TTN: variants seen among roughly 807,000 people sequenced by gnomAD.
TTN encodes connectin.
Under a neutral mutation model 3,223.0 loss-of-function variants are expected in TTN, and 1,525 were observed. That is an observed-to-expected ratio of 0.47 (90% CI 0.45 to 0.49). TTN has a LOEUF of 0.49. TTN is among the 20% of genes least tolerant of loss of function. The probability of loss-of-function intolerance (pLI) is 0.00; values close to 1 mark genes in which losing one functional copy is unlikely to be tolerated. For missense variants in TTN, 40,786 were observed against 43,424.0 expected, an observed-to-expected ratio of 0.94 and a Z score of 5.40; for synonymous variants, 14,094 against 15,161.0, an observed-to-expected ratio of 0.93 and a Z score of 5.17.
rs1258025777 is a variant in TTN at position 178,543,611 on chromosome 2, G to C, written c.96362C>G (p.Ser32121Cys). The C allele has an allele frequency of 6.2e-7, 1 of 1,604,036 alleles. No individual in the cohort carries two copies. Among genetic ancestry groups the C allele is most frequent in the East Asian group, 2.2e-5 (1 of 44,796 alleles). The change falls in exon 347 of 363, where the codon TCT becomes TGT. Residue 32121 changes from serine to cysteine, a missense_variant. Physicochemically the swap from Ser to Cys is moderately radical, Grantham distance 112. Transcript: ENST00000589042. ...GGGAATTTCCCAAGTTATAGTCACA[G>C]AATCTCTTGATACTTCCTTAACTTT... ...SVKVKEVSRDSVTITWEIPTI... is the reference protein window; with the variant it reads ...SVKVKEVSRDCVTITWEIPTI...
rs1187310682 is a variant in TTN at position 178,769,945 on chromosome 2, T to C, written c.8642-6A>G. ...GGTTTTTGTAATATGTAATGCTTGG[T>C]AAAATCAAAGAGCACTTCAGTTAAT... is the stretch of plus-strand genomic sequence containing the variant. On this transcript the variant is annotated splice_region_variant and splice_polypyrimidine_tract_variant and intron_variant, in intron 36 of 362. Transcript: ENST00000589042. 1 of 1,614,118 alleles carries C rather than the reference T, an allele frequency of 6.2e-7. No individual in the cohort carries two copies. Among genetic ancestry groups the C allele is most frequent in the Non-Finnish European group, 8.5e-7 (1 of 1,180,000 alleles).
chr2:178,558,011 A>G lies in TTN; in HGVS notation c.87343T>C (p.Tyr29115His), dbSNP rs1181280302. 8 of 1,613,852 alleles carry G rather than the reference A, an allele frequency of 5.0e-6. No individual in the cohort carries two copies. Among genetic ancestry groups the G allele is most frequent in the Non-Finnish European group, 6.8e-6 (8 of 1,179,840 alleles). ...CTGGAGTTGGCAGCAGTGATTTCAT[A>G]TCTCCCAGCGTCAGCTGTAACACTT... ...KESVTADAGR[Y>H]EITAANSSGT... The change falls in exon 328 of 363, where the codon TAT (tyrosine) becomes CAT (histidine). Residue 29115 changes from tyrosine (Y) to histidine (H), a missense_variant. Transcript: ENST00000589042.
At position 178,683,194 on chromosome 2, in the gene TTN, A is replaced by G. The variant is rs2154273045; in HGVS notation, c.32887+17T>C. On this transcript the variant is annotated intron_variant, in intron 134 of 362. Coordinates refer to ENST00000589042, the MANE Select transcript of TTN (RefSeq NM_001267550.2). ...ATAGTTTCATGCCTCACATTACTTAATCAAAGTTCAATATACCTTTGATGG... is the reference window on the plus strand; with the variant it reads ...ATAGTTTCATGCCTCACATTACTTAGTCAAAGTTCAATATACCTTTGATGG... 5 of 1,525,146 alleles carry G rather than the reference A, an allele frequency of 3.3e-6. No individual in the cohort carries two copies. The highest frequency in any genetic ancestry group is 3.6e-6 in the Non-Finnish European group (4 of 1,122,180). The allele number at this position is 1,525,146 out of a possible 1,614,324, so 94.5% of individuals were successfully genotyped here. A position where few individuals can be genotyped will look rare whatever the true frequency, so the allele number is the denominator to read the frequency against.
intron 47 of TTN, chr2:178,748,737 T>G (rs1427777828): frequency 1.2e-6 from 2 of 1,612,624 alleles, no homozygotes; most frequent in Admixed American, 1.7e-5. Flanking sequence ...TCTATAAGAC[T>G]TATTTTTTCC....
chr2:178,663,759 G>T, intron 170 of TTN, 49 bp from the exon 171 acceptor site: 1 of 1,610,590 alleles, frequency 6.2e-7, no homozygotes. Flanking sequence ...AAGACCACTG[G>T]AAAAAATATC....
At position 178,577,046 on chromosome 2, in the gene TTN, A is replaced by C. The variant is rs1165725715; in HGVS notation, c.69289T>G (p.Cys23097Gly). Reference sequence around the variant, plus strand: ...ATAAGTTTGGTTGCCACATGCCTGCAAGACTGAATATCTTCAGAAACCACT... The same window carrying C: ...ATAAGTTTGGTTGCCACATGCCTGCCAGACTGAATATCTTCAGAAACCACT... ...WTVVSEDIQS[C>G]RHVATKLIQG... The change falls in exon 324 of 363, where the codon TGC becomes GGC. Residue 23097 changes from cysteine to glycine, a missense_variant. Cys to Gly is a radical substitution (Grantham distance 159). Transcript: ENST00000589042. 3.7e-6 allele frequency: 6 copies of C among 1,613,380 alleles called. No homozygotes were observed. Among genetic ancestry groups the C allele is most frequent in the Non-Finnish European group, 5.1e-6 (6 of 1,179,594 alleles).
intron 222 of TTN, 27 bp from the exon 223 acceptor site, chr2:178,639,815 T>C (rs746312431): frequency 1.3e-6 from 2 of 1,545,758 alleles, no homozygotes; most frequent in Non-Finnish European, 1.7e-6. Context: ...ATTGCATTAG[T>C]GTATCAATTT....
rs934111943 is a variant in TTN at position 178,619,010 on chromosome 2, A to G, written c.46697-157T>C. 160 of 1,013,312 alleles carry G rather than the reference A, an allele frequency of 1.6e-4. 1 individual carries two copies. Among genetic ancestry groups the G allele is most frequent in the Non-Finnish European group, 2.2e-4 (155 of 715,230 alleles). 62.8% of individuals were successfully genotyped at this position (1,013,312 alleles called of 1,614,324 possible). On this transcript the variant is annotated intron_variant, in intron 250 of 362. Coordinates refer to ENST00000589042, the MANE Select transcript of TTN (RefSeq NM_001267550.2). Reference sequence around the variant, plus strand: ...GAAAACTAAGTGGCTTAGAGTTCTCATAGCTTTTTGTTGTTGTTGTGCGTG... The same window carrying G: ...GAAAACTAAGTGGCTTAGAGTTCTCGTAGCTTTTTGTTGTTGTTGTGCGTG...
chr2:178,692,667 CT>C, intron 119 of TTN, 87 bp from the exon 120 acceptor site: 2 of 975,150 alleles, frequency 2.1e-6, no homozygotes, highest in Non-Finnish European at 1.5e-6. Flanking sequence ...TAGAGATTCC[CT>C]TTTTATACCA....
At position 178,741,803 on chromosome 2, in the gene TTN, T is replaced by A; in HGVS notation, c.11430A>T (p.Lys3810Asn). ...LLSESPVYPTKFDSEKEGTGP... is the reference protein window; with the variant it reads ...LLSESPVYPTNFDSEKEGTGP... Reference sequence around the variant, plus strand: ...CAGTGCCTTCCTTTTCGGAATCAAATTTAGTTGGGTAAACTGGAGATTCAG... The same window carrying A: ...CAGTGCCTTCCTTTTCGGAATCAAAATTAGTTGGGTAAACTGGAGATTCAG... The change falls in exon 48 of 363, where the codon AAA (lysine) becomes AAT (asparagine). Residue 3810 changes from lysine (K) to asparagine (N), a missense_variant. Transcript: ENST00000589042. The A allele has an allele frequency of 6.2e-7, 1 of 1,613,204 alleles. No homozygotes were observed. The highest frequency in any genetic ancestry group is 1.3e-5 in the African/African-American group (1 of 75,004).
At position 178,593,984 on chromosome 2, in the gene TTN, C is replaced by T. The variant is rs750836050; in HGVS notation, c.58409G>A (p.Gly19470Asp). ...VVENSTGSRKGFCQVNVVDRP... is the reference protein window; with the variant it reads ...VVENSTGSRKDFCQVNVVDRP... ...ACCAACAACATTAACTTGACAGAAA[C>T]CTTTCCTAGAGCCTGTACTGTTCTC... The change falls in exon 297 of 363, where the codon GGT (glycine) becomes GAT (aspartate). Residue 19470 changes from glycine (G) to aspartate (D), a missense_variant. Coordinates refer to ENST00000589042, the MANE Select transcript of TTN (RefSeq NM_001267550.2). The T allele has an allele frequency of 1.9e-6, 3 of 1,613,432 alleles. No homozygotes were observed.
At chr2:178,703,172 A>G (rs2075293699) in intron 106 of TTN, among the ~76,000 whole-genome samples, 2 of 152,188 alleles carry the variant, frequency 1.3e-5, no homozygotes, top group Admixed American at 1.3e-4. Context: ...TTTAGAGTTC[A>G]GAAATCTGCT....
At chr2:178,676,742 T>G (rs955229063) in intron 147 of TTN, among the ~76,000 whole-genome samples, 1 of 151,918 alleles carries the variant, frequency 6.6e-6, no homozygotes, top group South Asian at 2.1e-4. Flanking sequence ...TTTATATATA[T>G]GTATTAGAAG....
In TTN at chr2:178,530,670, T is replaced by C. The variant is rs750183638; in HGVS notation, c.105945A>G (p.Lys35315=). 4 of 1,613,924 alleles carry C rather than the reference T, an allele frequency of 2.5e-6. No homozygotes were observed. Among genetic ancestry groups the C allele is most frequent in the Non-Finnish European group, 3.4e-6 (4 of 1,179,914 alleles). Reference sequence around the variant, plus strand: ...TGCCATCTTTATACCAGGTGACCTCTTTTGCCCTTAATACACTGCTTTCAA... The same window carrying C: ...TGCCATCTTTATACCAGGTGACCTCCTTTGCCCTTAATACACTGCTTTCAA... ...CVVESSVLRA[K]EVTWYKDGKK... is the part of the protein sequence containing the mutation. Residue 35315 remains lysine, a synonymous_variant, in exon 358 of 363, where the codon AAA becomes AAG. Coordinates refer to ENST00000589042, the MANE Select transcript of TTN (RefSeq NM_001267550.2).
chr2:178,647,172 G>T, intron 214 of TTN, 28 bp from the exon 215 acceptor site: 1 of 1,303,164 alleles, frequency 7.7e-7, no homozygotes. Flanking sequence ...TTTTATTTTA[G>T]ACTATATTTA....
rs1689784700 is a variant in TTN, at chr2:178,532,864, A to G, written c.103751T>C (p.Leu34584Pro). The G allele has an allele frequency of 6.2e-7, 1 of 1,613,836 alleles. No individual in the cohort carries two copies. The highest frequency in any genetic ancestry group is 1.3e-5 in the African/African-American group (1 of 74,918). ...GGGTCGTTTCTGTACAACTCTGTCAAGTTTCCCAGGCATTTCATACTGATC... is the reference window on the plus strand; with the variant it reads ...GGGTCGTTTCTGTACAACTCTGTCAGGTTTCCCAGGCATTTCATACTGATC... The part of the protein sequence containing the change: ...IRDQYEMPGK[L>P]DRVVQKRPKR... Residue 34584 changes from leucine (L) to proline (P), a missense_variant, in exon 358 of 363, where the codon CTT becomes CCT. Leu to Pro is a moderately conservative substitution (Grantham distance 98). Coordinates refer to ENST00000589042, the MANE Select transcript of TTN (RefSeq NM_001267550.2).
At position 178,561,124 on chromosome 2, in the gene TTN, A is replaced by G. The variant is rs566582429; in HGVS notation, c.85008T>C (p.Val28336=). ...RVFARNAADS[V]SEPSESTGPI... ...GCCCAGTGGATTCAGATGGCTCACT[A>G]ACTGAGTCAGCAGCATTCCTTGCAA... The change falls in exon 326 of 363, where the codon GTT becomes GTC. Residue 28336 remains valine, a synonymous_variant. Transcript: ENST00000589042. The G allele has an allele frequency of 9.3e-6, 15 of 1,613,856 alleles. No homozygotes were observed. The highest frequency in any genetic ancestry group is 3.3e-5 in the Admixed American group (2 of 60,002).
rs1394561628 is a variant in TTN at position 178,718,426 on chromosome 2, ATG to A, written c.24678_24679del (p.Ile8227ThrfsTer5). On this transcript the variant is annotated frameshift_variant, in exon 85 of 363. Coordinates refer to ENST00000589042, the MANE Select transcript of TTN (RefSeq NM_001267550.2). LOFTEE classifies it high-confidence loss of function. The stretch of plus-strand genomic sequence containing the variant: ...TATTGTGCTCTCAAGAATTTCCAGT[ATG>A]GTAGATTTTTCTGTCATAGTAATAC... 6.2e-7 allele frequency: 1 copy of A among 1,613,766 alleles called. No homozygotes were observed. Among genetic ancestry groups the A allele is most frequent in the Admixed American group, 1.7e-5 (1 of 60,000 alleles).
At position 178,579,249 on chromosome 2, in the gene TTN, T is replaced by A. The variant is rs369911767; in HGVS notation, c.67781A>T (p.Asp22594Val). Residue 22594 changes from aspartate to valine, a missense_variant, in exon 320 of 363, where the codon GAC (aspartate) becomes GTC (valine). Coordinates refer to ENST00000589042, the MANE Select transcript of TTN (RefSeq NM_001267550.2). ...WKKGEDPLAT[D>V]TRVSVESSAV... Reference sequence around the variant, plus strand: ...AGATGACTCAACACTGACTCTAGTGTCAGTTGCTAGAGGATCTTCCCCTTT... The same window carrying A: ...AGATGACTCAACACTGACTCTAGTGACAGTTGCTAGAGGATCTTCCCCTTT... 22 of 1,613,320 alleles carry A rather than the reference T, an allele frequency of 1.4e-5. No homozygotes were observed. In the African/African-American group the frequency reaches 2.8e-4, roughly 21 times the overall value.
Sources: allele counts gnomAD v4.1 joint callset (sites outside exome capture counted in the v4.1 genomes callset), GRCh38; gene constraint gnomAD v4.1.1; transcripts MANE v1.5; gene names NCBI Gene and HGNC (gene_info 2026-07-23, HGNC 2026-07-21).